The following CERS6 variants were observed in gnomAD, a reference collection of about 807,000 sequenced individuals.
The protein encoded by CERS6 is LAG1 homolog, ceramide synthase 6.
A neutral mutation model predicts 56.8 loss-of-function variants in CERS6; 26 were observed. The observed-to-expected ratio is 0.46, with a 90% CI of 0.34 to 0.63. The LOEUF is 0.63. Among genes scored for constraint, CERS6 ranks in the 30% least tolerant of loss-of-function variants. The pLI is 0.01. For synonymous variants in CERS6, 164 were observed against 173.3 expected (o/e 0.95, Z 0.42); for missense variants, 415 against 467.5 (o/e 0.89, Z 1.04).
In CERS6 at chr2:168,653,541, T is replaced by C. The variant is rs76715970; in HGVS notation, c.465+22499T>C. ...GACCTGAGGACATTTTCTGGTGTGC[T>C]ATGTTTGTTTAATTATCTTAGATAT... is the stretch of plus-strand genomic sequence containing the variant. On this transcript the variant is annotated intron_variant, in intron 4 of 9. Coordinates refer to ENST00000305747, the MANE Select transcript of CERS6 (RefSeq NM_203463.3). Among the ~76,000 whole-genome samples, 123 of 152,372 alleles carry C rather than the reference T, an allele frequency of 8.1e-4. 1 individual carries two copies. In the East Asian group the frequency reaches 0.019, roughly 24 times the overall value.
chr2:168,581,234 G>A (rs1252642797), intron 3 of CERS6, among the ~76,000 whole-genome samples: 1 of 152,082 alleles, frequency 6.6e-6, no homozygotes, highest in Non-Finnish European at 1.5e-5. Context: ...GGTCATGCTG[G>A]TCTTGAACTG....
At chr2:168,754,022 T>C (rs1422779407) in intron 8 of CERS6, among the ~76,000 whole-genome samples, 1 of 152,092 alleles carries the variant, frequency 6.6e-6, no homozygotes, top group Non-Finnish European at 1.5e-5. Context: ...GTATGGAATT[T>C]GGGGGACAGT....
At chr2:168,458,061 G>A (rs539076976) in intron 1 of CERS6, among the ~76,000 whole-genome samples, 1 of 152,270 alleles carries the variant, frequency 6.6e-6, no homozygotes, top group African/African-American at 2.4e-5. Flanking sequence ...GTTTGCAGGT[G>A]TAGAGTTACC....
At chr2:168,611,943 T>C (rs1684198857) in intron 3 of CERS6, among the ~76,000 whole-genome samples, 1 of 152,212 alleles carries the variant, frequency 6.6e-6, no homozygotes, top group Non-Finnish European at 1.5e-5. Context: ...ATATTGTAGT[T>C]GGTAGTTTGT....
intron 8 of CERS6, among the ~76,000 whole-genome samples, chr2:168,728,366 G>GAAA (rs571462636): frequency 9.1e-4 from 125 of 137,874 alleles, no homozygotes; most frequent in Non-Finnish European, 1.2e-3. Flanking sequence ...CACGTTAGGG[G>GAAA]AAAAAAAAAA....
chr2:168,489,847 A>G (rs1030807903), intron 1 of CERS6, among the ~76,000 whole-genome samples: 1 of 152,006 alleles, frequency 6.6e-6, no homozygotes, highest in Non-Finnish European at 1.5e-5. Flanking sequence ...TTTTTCCCTA[A>G]GAACTGATCA....
At chr2:168,672,568 G>T (rs929402206) in intron 4 of CERS6, among the ~76,000 whole-genome samples, 4 of 152,226 alleles carry the variant, frequency 2.6e-5, no homozygotes, top group African/African-American at 9.6e-5. Context: ...GTGGTAGACT[G>T]TGGCTACTTG....
At chr2:168,538,081 T>C (rs1392372440) in intron 1 of CERS6, among the ~76,000 whole-genome samples, 1 of 152,190 alleles carries the variant, frequency 6.6e-6, no homozygotes, top group Non-Finnish European at 1.5e-5. Flanking sequence ...GCCTGGATAA[T>C]TGCAGCAGCC....
intron 3 of CERS6, among the ~76,000 whole-genome samples, chr2:168,625,112 A>G (rs892944930): frequency 1.3e-5 from 2 of 152,190 alleles, no homozygotes; most frequent in African/African-American, 2.4e-5. Flanking sequence ...ATTTGATAAT[A>G]AATTAGTTAA....
At chr2:168,483,754 G>T (rs1219869916) in intron 1 of CERS6, among the ~76,000 whole-genome samples, 2 of 152,136 alleles carry the variant, frequency 1.3e-5, no homozygotes, top group Non-Finnish European at 2.9e-5. Context: ...CACCTTCTTT[G>T]TAAAAATAAA....
chr2:168,761,037 G>A (rs887178748), intron 8 of CERS6, among the ~76,000 whole-genome samples: 4 of 152,174 alleles, frequency 2.6e-5, no homozygotes, highest in Non-Finnish European at 5.9e-5. Context: ...GATTATAGGC[G>A]TGAGCCACCG....
intron 4 of CERS6, among the ~76,000 whole-genome samples, chr2:168,639,390 A>G (rs1025068291): frequency 3.3e-5 from 5 of 152,228 alleles, no homozygotes; most frequent in Non-Finnish European, 7.3e-5. Context: ...TAGCTGAACC[A>G]TCATCAGAGA....
chr2:168,760,430 T>G (rs1317562750), intron 8 of CERS6, among the ~76,000 whole-genome samples: 1 of 152,248 alleles, frequency 6.6e-6, no homozygotes, highest in African/African-American at 2.4e-5. Context: ...AGATTAAGGG[T>G]GGGTCAGCCT....
chr2:168,697,899 T>C (rs1164995523), intron 6 of CERS6, among the ~76,000 whole-genome samples: 1 of 152,210 alleles, frequency 6.6e-6, no homozygotes, highest in African/African-American at 2.4e-5. Context: ...CTGCACTAGC[T>C]TGAGCTTTCT....
In CERS6 at chr2:168,552,961, A is replaced by T. The variant is rs1170786832; in HGVS notation, c.276+5260A>T. On this transcript the variant is annotated intron_variant, in intron 2 of 9. Transcript: ENST00000305747. Reference sequence around the variant, plus strand: ...TGATTAAATATTTTACCATAAATTTAAAAAAATGAAGCAGTAACTCTGTGA... The same window carrying T: ...TGATTAAATATTTTACCATAAATTTTAAAAAATGAAGCAGTAACTCTGTGA... 2.6e-5 allele frequency among the ~76,000 whole-genome samples: 4 copies of T among 152,178 alleles called. No homozygotes were observed. The East Asian group carries it at 7.7e-4, about 29-fold the overall frequency.
intron 1 of CERS6, among the ~76,000 whole-genome samples, chr2:168,469,510 C>T (rs1693939638): frequency 6.6e-6 from 1 of 152,074 alleles, no homozygotes; most frequent in African/African-American, 2.4e-5. Context: ...AGACTTTCTA[C>T]TGAAAATGGA....
chr2:168,725,014 G>T (rs549996731), intron 8 of CERS6, among the ~76,000 whole-genome samples: 1 of 152,362 alleles, frequency 6.6e-6, no homozygotes, highest in South Asian at 2.1e-4. Context: ...GTTCAGGCAT[G>T]GCGGGCTGCA....
chr2:168,714,924 C>G, intron 6 of CERS6, 77 bp from the exon 7 acceptor site: 1 of 1,404,808 alleles, frequency 7.1e-7, no homozygotes. Context: ...TCAGTAAATA[C>G]TGGTTCAGTG....
At chr2:168,765,449 A>T (rs1684704734) in intron 8 of CERS6, 143 bp from the exon 9 acceptor site, 1 of 671,118 alleles carries the variant, frequency 1.5e-6, no homozygotes, top group African/African-American at 1.8e-5. Context: ...ATTTCTAAGT[A>T]CCTGGCAAGC....
Sources: allele counts gnomAD v4.1 joint callset (sites outside exome capture counted in the v4.1 genomes callset), GRCh38; gene constraint gnomAD v4.1.1; transcripts MANE v1.5; gene names NCBI Gene and HGNC (gene_info 2026-07-23, HGNC 2026-07-21).